G6PD: variants seen among roughly 807,000 people sequenced by gnomAD.
G6PD encodes glucose-6-phosphate 1-dehydrogenase.
Under a neutral mutation model 38.2 loss-of-function variants are expected in G6PD, and 2 were observed. The ratio of observed to expected loss-of-function variants is 0.05; its 90% CI spans 0.02 to 0.16. The LOEUF is 0.16. Among genes scored for constraint, G6PD ranks in the 10% least tolerant of loss-of-function variants. G6PD has a pLI of 1.00. For synonymous variants in G6PD, 188 were observed against 196.0 expected (o/e 0.96, Z 0.34); for missense variants, 310 against 471.6 (o/e 0.66, Z 3.17).
chrX:154,535,594 G>T (rs781936624), intron 4 of G6PD: 162 of 463,047 alleles, frequency 3.5e-4, no homozygotes, highest in Non-Finnish European at 5.3e-4. Flanking sequence ...AGGCAGCACA[G>T]ACACTGCCCC....
Position 154,532,445 on chromosome X carries a change from G to C in G6PD, c.1305C>G (p.Asp435Glu). Residue 435 changes from aspartate (D) to glutamate (E), a missense_variant, in exon 11 of 13, where the codon GAC becomes GAG. Physicochemically the swap from Asp to Glu is conservative, Grantham distance 45 (BLOSUM62 2). This residue lies in a region of G6PD where 168 missense variants were observed against 309.2 expected (regional missense o/e 0.54). Coordinates refer to ENST00000393562, the MANE Select transcript of G6PD (RefSeq NM_001360016.2). ...CGTCCAGGATGAGGCGCTCATAGGC[G>C]TCAGGGAGCTTCACGTTCTGTGAGG... ...GNRYKNVKLP[D>E]AYERLILDVF... 10 of 1,211,425 alleles carry C rather than the reference G, an allele frequency of 8.3e-6. No homozygotes were observed. The highest frequency in any genetic ancestry group is 1.1e-5 in the Non-Finnish European group (10 of 895,336).
At position 154,532,616 on chromosome X, in the gene G6PD, A is replaced by G; in HGVS notation, c.1238T>C (p.Phe413Ser). The G allele has an allele frequency of 8.2e-7, 1 of 1,212,313 alleles. No homozygotes were observed. Among genetic ancestry groups the G allele is most frequent in the Non-Finnish European group, 1.1e-6 (1 of 895,617 alleles). The change falls in exon 10 of 13, where the codon TTC becomes TCC. Residue 413 changes from phenylalanine to serine, a missense_variant. By Grantham distance (155) the Phe-to-Ser change is radical. Around this residue, in one of 4 missense-constraint regions of G6PD, gnomAD observed 168 missense variants for 309.2 expected, o/e 0.54. Coordinates refer to ENST00000393562, the MANE Select transcript of G6PD (RefSeq NM_001360016.2). ...KMMTKKPGMF[F>S]NPEESELDLT... ...GTCCAGCTCCGACTCCTCGGGGTTG[A>G]AGAACATGCCCGGCTTCTTGGTCAT...
chrX:154,542,980 T>C (rs111615979), intron 2 of G6PD, among the ~76,000 whole-genome samples: 3,155 of 111,881 alleles, frequency 0.028, 104 homozygotes, highest in African/African-American at 0.096. Flanking sequence ...GAACGGAGAA[T>C]GGGCTGCTTT....
chrX:154,535,900 G>T, intron 4 of G6PD, 37 bp downstream of exon 4: 1 of 1,123,088 alleles, frequency 8.9e-7, no homozygotes, highest in South Asian at 1.8e-5. Flanking sequence ...GGTAGAGAGG[G>T]CAGAACCAGG....
intron 2 of G6PD, among the ~76,000 whole-genome samples, chrX:154,544,291 A>C: frequency 9.0e-6 from 1 of 110,652 alleles, no homozygotes; most frequent in East Asian, 2.8e-4. Context: ...CCTACTGAGT[A>C]GCTGGGACTA....
Position 154,531,921 on chromosome X carries a change from T to A in G6PD, c.*79A>T, listed in dbSNP as rs1336897122. On this transcript the variant is annotated 3_prime_UTR_variant, in exon 13 of 13. Transcript: ENST00000393562. ...AGGAATGTGCAGCTGAGGTCAATGG[T>A]CCCGGAGTCCTCCCGACTCGGGGTC... The A allele has an allele frequency of 4.5e-6, 5 of 1,107,650 alleles. No homozygotes were observed. Among genetic ancestry groups the A allele is most frequent in the African/African-American group, 2.0e-5 (1 of 49,215 alleles). The allele number at this position is 1,107,650 out of a possible 1,213,427, so 91.3% of individuals were successfully genotyped here.
Position 154,531,566 on chromosome X carries a change from G to C in G6PD, c.*434C>G. 5.1e-6 allele frequency: 1 copy of C among 197,603 alleles called. No homozygotes were observed. Among genetic ancestry groups the C allele is most frequent in the Non-Finnish European group, 9.5e-6 (1 of 105,779 alleles). 16.3% of individuals were successfully genotyped at this position (197,603 alleles called of 1,213,427 possible). A position where few individuals can be genotyped will look rare whatever the true frequency, so the allele number is the denominator to read the frequency against. On this transcript the variant is annotated 3_prime_UTR_variant, in exon 13 of 13. Transcript: ENST00000393562. ...CGAGATGTTGCTGGTGACAAGGAAT[G>C]TCAAGTGGCACTGAGGCTGGCGGGC...
chrX:154,537,262 A>C (rs1221076436), intron 2 of G6PD, among the ~76,000 whole-genome samples: 1 of 109,469 alleles, frequency 9.1e-6, no homozygotes, highest in Non-Finnish European at 1.9e-5. Flanking sequence ...CCAAGATTGC[A>C]CCATTGCACC....
Position 154,531,820 on chromosome X carries a change from G to T in G6PD, c.*180C>A. 1 of 776,201 alleles carries T rather than the reference G, an allele frequency of 1.3e-6. No homozygotes were observed. The highest frequency in any genetic ancestry group is 2.6e-5 in the South Asian group (1 of 38,243). 64.0% of individuals were successfully genotyped at this position (776,201 alleles called of 1,213,427 possible). ...GGGGCCAGGATGGTCTCGAGTGCTT[G>T]GCAGCTGAGGAATGTAGCTGGGCTC... On this transcript the variant is annotated 3_prime_UTR_variant, in exon 13 of 13. Transcript: ENST00000393562.
chrX:154,533,135 G>C lies in G6PD; in HGVS notation c.865-7C>G. On this transcript the variant is annotated splice_region_variant and splice_polypyrimidine_tract_variant and intron_variant, in intron 8 of 12. Transcript: ENST00000393562. ...TGCATTTCAACACCTTGACCTGAGA[G>C]AAAGCCAAGGGAGAGAATGGGCTCC... 8.3e-7 allele frequency: 1 copy of C among 1,210,978 alleles called. No individual in the cohort carries two copies. The highest frequency in any genetic ancestry group is 1.1e-6 in the Non-Finnish European group (1 of 894,628).
At chrX:154,543,386 C>T (rs1277628342) in intron 2 of G6PD, among the ~76,000 whole-genome samples, 1 of 112,229 alleles carries the variant, frequency 8.9e-6, no homozygotes, top group Non-Finnish European at 1.9e-5. Flanking sequence ...GACCCTGGGC[C>T]CTCGTTTCAA....
In G6PD at chrX:154,533,601, T is replaced by A; in HGVS notation, c.839A>T (p.Asn280Ile). The stretch of plus-strand genomic sequence containing the variant: ...CTTCTCATCACGGACGTCATCTGAG[T>A]TGGTGGAGGCGGGCTTCTCCATGGC... ...LVAMEKPAST[N>I]SDDVRDEKVK... is the part of the protein sequence containing the mutation. Residue 280 changes from asparagine to isoleucine, a missense_variant, in exon 8 of 13, where the codon AAC becomes ATC. Physicochemically the swap from Asn to Ile is moderately radical, Grantham distance 149. Coordinates refer to ENST00000393562, the MANE Select transcript of G6PD (RefSeq NM_001360016.2). 3.3e-6 allele frequency: 4 copies of A among 1,211,925 alleles called. No homozygotes were observed. Among genetic ancestry groups the A allele is most frequent in the Non-Finnish European group, 4.5e-6 (4 of 895,469 alleles).
chrX:154,543,652 T>C (rs897769098), intron 2 of G6PD, among the ~76,000 whole-genome samples: 1 of 111,478 alleles, frequency 9.0e-6, no homozygotes, highest in Admixed American at 9.6e-5. Context: ...GTCAGAGTCC[T>C]GGCTGTTAAG....
chrX:154,547,013 G>A (rs2070753289), upstream of G6PD: 1 of 212,263 alleles, frequency 4.7e-6, no homozygotes, highest in South Asian at 2.6e-4. Flanking sequence ...GCCAGCCCCT[G>A]CCTCTCGGGC....
chrX:154,536,648 G>C (rs909000427), intron 2 of G6PD, among the ~76,000 whole-genome samples: 2 of 111,274 alleles, frequency 1.8e-5, no homozygotes, highest in Non-Finnish European at 3.8e-5. Context: ...CAGCCAATGT[G>C]GCAAAACCCC....
chrX:154,536,105 C>T (rs199603356), intron 3 of G6PD, 36 bp downstream of exon 3: 61 of 1,205,744 alleles, frequency 5.1e-5, no homozygotes, highest in East Asian at 1.2e-4. Context: ...CTGTCCCTGG[C>T]GGGAGGTCAC....
Position 154,533,281 on chromosome X carries a change from T to C in G6PD, c.865-153A>G, listed in dbSNP as rs943691141. 2.4e-5 allele frequency: 15 copies of C among 633,893 alleles called. No homozygotes were observed. The Admixed American group carries it at 4.2e-4, about 18-fold the overall frequency. 52.2% of individuals were successfully genotyped at this position (633,893 alleles called of 1,213,427 possible). On this transcript the variant is annotated intron_variant, in intron 8 of 12. Transcript: ENST00000393562. ...AGAGGCCCAGCTCAGGGCCCCTCCCTGAGGACCCTCCAGGACCACCCTGGT... is the reference window on the plus strand; with the variant it reads ...AGAGGCCCAGCTCAGGGCCCCTCCCCGAGGACCCTCCAGGACCACCCTGGT...
At chrX:154,547,246 G>A, upstream of G6PD, 1 of 649,425 alleles carries the variant, frequency 1.5e-6, no homozygotes, top group Non-Finnish European at 1.8e-6. Context: ...CCTCCTCTGG[G>A]CTGTCCCTCG....
At chrX:154,535,859 G>C in intron 4 of G6PD, 78 bp downstream of exon 4, 2 of 812,080 alleles carry the variant, frequency 2.5e-6, no homozygotes, top group Admixed American at 2.4e-5. Flanking sequence ...GGGATGGGGG[G>C]AGGTCCCCGA....
Sources: gnomAD v4.1 joint callset for allele counts (sites outside exome capture counted in the v4.1 genomes callset) on GRCh38, gnomAD v4.1.1 for gene constraint, gnomAD v4.1.1 regional missense constraint, MANE v1.5 for transcripts, NCBI Gene and HGNC (gene_info 2026-07-23, HGNC 2026-07-21) for gene names.